RIPOR2: variants seen among roughly 807,000 people sequenced by gnomAD.
RIPOR2 encodes RHO family interacting cell polarization regulator 2, also known as rho family-interacting cell polarization regulator 2.
A neutral mutation model predicts 114.5 loss-of-function variants in RIPOR2; 39 were observed. That is an observed-to-expected ratio of 0.34 (90% CI 0.26 to 0.44). The LOEUF is 0.44. RIPOR2 is among the 20% of genes least tolerant of loss of function. The probability of loss-of-function intolerance (pLI) is 1.00; values close to 1 mark genes in which losing one functional copy is unlikely to be tolerated. For synonymous variants in RIPOR2, 445 were observed against 484.4 expected (o/e 0.92, Z 1.07); for missense variants, 1,007 against 1,255.1 (o/e 0.80, Z 2.99).
chr6:24,835,750 C>T lies in RIPOR2; in HGVS notation c.2161G>A (p.Asp721Asn). 1 of 1,551,546 alleles carries T rather than the reference C, an allele frequency of 6.4e-7. No individual in the cohort carries two copies. Among genetic ancestry groups the T allele is most frequent in the Non-Finnish European group, 8.7e-7 (1 of 1,146,908 alleles). The change falls in exon 15 of 22, where the codon GAC (aspartate) becomes AAC (asparagine). Residue 721 changes from aspartate to asparagine, a missense_variant. Physicochemically the swap from Asp to Asn is conservative, Grantham distance 23 (BLOSUM62 1). Coordinates refer to ENST00000643898, the MANE Select transcript of RIPOR2 (RefSeq NM_001286445.3). The stretch of plus-strand genomic sequence containing the variant: ...TGGAGGTGCCTGACGATGGTGATGT[C>T]CAGGCTCTCGTTGCCTGTGGTCAGT... ...LPLTTGNESL[D>N]ITIVRHLQYC... is the part of the protein sequence containing the mutation.
At chr6:24,932,694 T>G (rs1771499788) in intron 1 of RIPOR2, among the ~76,000 whole-genome samples, 1 of 152,176 alleles carries the variant, frequency 6.6e-6, no homozygotes, top group Non-Finnish European at 1.5e-5. Context: ...TTTAAGCAAA[T>G]GCACCTAAAT....
chr6:24,907,239 T>G (rs1769089282), intron 1 of RIPOR2, among the ~76,000 whole-genome samples: 3 of 152,222 alleles, frequency 2.0e-5, no homozygotes, highest in African/African-American at 7.2e-5. Flanking sequence ...CTTTCACTGT[T>G]GAAAAAAATC....
At chr6:24,851,414 A>G (rs1238990412) in intron 9 of RIPOR2, among the ~76,000 whole-genome samples, 1 of 152,212 alleles carries the variant, frequency 6.6e-6, no homozygotes, top group Non-Finnish European at 1.5e-5. Flanking sequence ...AGCAAGAAAT[A>G]AAGACATCCT....
chr6:24,989,830 G>A (rs1039081944), intron 1 of RIPOR2, among the ~76,000 whole-genome samples: 4 of 151,836 alleles, frequency 2.6e-5, no homozygotes, highest in Admixed American at 1.3e-4. Flanking sequence ...AGGAGTTCAA[G>A]ATCAGCCTGG....
chr6:25,004,503 C>A (rs539795489), intron 1 of RIPOR2, among the ~76,000 whole-genome samples: 1 of 152,288 alleles, frequency 6.6e-6, no homozygotes, highest in South Asian at 2.1e-4. Flanking sequence ...GTCGCCTCCT[C>A]TCCAGGTTTT....
intron 1 of RIPOR2, among the ~76,000 whole-genome samples, chr6:24,990,264 C>A (rs537631664): frequency 3.1e-4 from 47 of 152,246 alleles, no homozygotes; most frequent in African/African-American, 1.1e-3. Context: ...AGTTTCTGGA[C>A]GTGTCAAAGG....
At chr6:24,923,518 A>G (rs1561778424) in intron 1 of RIPOR2, among the ~76,000 whole-genome samples, 1 of 152,020 alleles carries the variant, frequency 6.6e-6, no homozygotes, top group African/African-American at 2.4e-5. Flanking sequence ...AACTCTTTTC[A>G]ATAGCAAGAT....
intron 1 of RIPOR2, among the ~76,000 whole-genome samples, chr6:24,930,786 G>A (rs1397432903): frequency 1.3e-5 from 2 of 152,202 alleles, no homozygotes; most frequent in Non-Finnish European, 2.9e-5. Flanking sequence ...AATTGTGAAA[G>A]CAAAGAGTGA....
At chr6:24,962,734 C>T (rs1773360618) in intron 1 of RIPOR2, among the ~76,000 whole-genome samples, 1 of 152,048 alleles carries the variant, frequency 6.6e-6, no homozygotes, top group Admixed American at 6.5e-5. Context: ...CACTGATATA[C>T]ATAAAAAGGT....
intron 1 of RIPOR2, among the ~76,000 whole-genome samples, chr6:24,911,519 G>A (rs994141169): frequency 6.6e-6 from 1 of 152,218 alleles, no homozygotes; most frequent in Non-Finnish European, 1.5e-5. Context: ...CCCACGGCAA[G>A]GGTTGTGCTG....
chr6:24,821,244 G>A (rs2113650352), intron 19 of RIPOR2, among the ~76,000 whole-genome samples: 1 of 146,812 alleles, frequency 6.8e-6, no homozygotes, highest in Non-Finnish European at 1.5e-5. Flanking sequence ...GTGCAATGGT[G>A]CAATCTCGGC....
At chr6:24,837,770 A>G (rs115358941) in intron 14 of RIPOR2, among the ~76,000 whole-genome samples, 3,853 of 151,938 alleles carry the variant, frequency 0.025, 161 homozygotes, top group African/African-American at 0.084. Context: ...ATGTCCCCAG[A>G]TTGCTTATGG....
At chr6:24,935,729 TA>T in intron 1 of RIPOR2, 108 bp downstream of exon 1, 1 of 758,872 alleles carries the variant, frequency 1.3e-6, no homozygotes, top group African/African-American at 1.7e-5. Context: ...GCTTTGTTTT[TA>T]TCATTTCAAA....
chr6:24,917,442 G>A (rs959934648), intron 1 of RIPOR2, among the ~76,000 whole-genome samples: 1 of 152,198 alleles, frequency 6.6e-6, no homozygotes, highest in African/African-American at 2.4e-5. Flanking sequence ...AGTATAACAT[G>A]ATTCAAAGCA....
At chr6:24,900,330 G>A (rs1327230964) in intron 1 of RIPOR2, among the ~76,000 whole-genome samples, 1 of 152,216 alleles carries the variant, frequency 6.6e-6, no homozygotes, top group African/African-American at 2.4e-5. Flanking sequence ...CTATAAAATG[G>A]AGTAATTACC....
intron 7 of RIPOR2, among the ~76,000 whole-genome samples, chr6:24,861,954 G>C (rs1399884293): frequency 1.3e-5 from 2 of 152,192 alleles, no homozygotes; most frequent in East Asian, 3.8e-4. Flanking sequence ...GCTGAATTCT[G>C]CTCAAGTGAG....
At chr6:24,841,999 T>A (rs1761766179) in intron 13 of RIPOR2, among the ~76,000 whole-genome samples, 1 of 152,172 alleles carries the variant, frequency 6.6e-6, no homozygotes, top group African/African-American at 2.4e-5. Flanking sequence ...CTTTCAAGCC[T>A]TTTTACAGAC....
At chr6:24,951,520 C>T (rs1374923524) in intron 1 of RIPOR2, among the ~76,000 whole-genome samples, 2 of 152,184 alleles carry the variant, frequency 1.3e-5, no homozygotes, top group Non-Finnish European at 2.9e-5. Context: ...AATTCCGAAG[C>T]AACTGTGCTT....
At chr6:24,886,610 T>C (rs1238393006) in intron 1 of RIPOR2, among the ~76,000 whole-genome samples, 2 of 152,230 alleles carry the variant, frequency 1.3e-5, no homozygotes, top group East Asian at 3.8e-4. Context: ...GTTTGCTGTT[T>C]TCTTGTGATA....
Sources: allele counts gnomAD v4.1 joint callset (sites outside exome capture counted in the v4.1 genomes callset), GRCh38; gene constraint gnomAD v4.1.1; transcripts MANE v1.5; gene names NCBI Gene and HGNC (gene_info 2026-07-23, HGNC 2026-07-21).